USP43: variants seen among roughly 807,000 people sequenced by gnomAD.
USP43 encodes the protein ubiquitin carboxyl-terminal hydrolase 43.
In USP43, 33 loss-of-function variants were observed where a neutral mutation model predicts 90.7. The ratio of observed to expected loss-of-function variants is 0.36; its 90% CI spans 0.28 to 0.49. The LOEUF is 0.49. USP43 is among the 20% of genes least tolerant of loss of function. USP43 has a pLI of 0.98. For synonymous variants in USP43, 598 were observed against 615.8 expected (o/e 0.97, Z 0.43); for missense variants, 1,274 against 1,476.4 (o/e 0.86, Z 2.25).
chr17:9,669,712 T>C (rs1417560091), intron 3 of USP43: 4 of 152,240 alleles, frequency 2.6e-5, no homozygotes, highest in African/African-American at 9.7e-5. Flanking sequence ...AGGCTTCTTT[T>C]CGGAGCTGAA....
At position 9,656,457 on chromosome 17, in the gene USP43, C is replaced by T; in HGVS notation, c.559C>T (p.Leu187=). 1.2e-6 allele frequency: 2 copies of T among 1,610,538 alleles called. No individual in the cohort carries two copies. ...CCAAGGCAATTCCCAGCACGACGCCCTGGAATTCCTGCTCTGGTTGCTGGA... is the reference window on the plus strand; with the variant it reads ...CCAAGGCAATTCCCAGCACGACGCCTTGGAATTCCTGCTCTGGTTGCTGGA... ...QFQGNSQHDA[L]EFLLWLLDRV... The change falls in exon 2 of 15, where the codon CTG becomes TTG. Residue 187 remains leucine, a synonymous_variant. Coordinates refer to ENST00000285199, the MANE Select transcript of USP43 (RefSeq NM_153210.5).
rs533390617 is a variant in USP43, at chr17:9,661,370, T to A, written c.636+4836T>A. On this transcript the variant is annotated intron_variant, in intron 2 of 14. Coordinates refer to ENST00000285199, the MANE Select transcript of USP43 (RefSeq NM_153210.5). ...TTTGTTTATTTTTATTTATTTATTT[T>A]TTTTGAGACAGGGCCTCACTCTGTT... 1.6e-4 allele frequency among the ~76,000 whole-genome samples: 25 copies of A among 152,256 alleles called. No individual in the cohort carries two copies. In the South Asian group the frequency reaches 1.9e-3, roughly 11 times the overall value.
chr17:9,723,544 TCCCCTC>T (rs1917082627), intron 14 of USP43, among the ~76,000 whole-genome samples: 2 of 16,166 alleles, frequency 1.2e-4, no homozygotes, highest in Non-Finnish European at 2.5e-4. Flanking sequence ...TCCCCTCCCC[TCCCCTC>T]CCCTCCCCTC....
intron 14 of USP43, among the ~76,000 whole-genome samples, chr17:9,724,501 GA>G (rs1917150839): frequency 6.6e-6 from 1 of 151,970 alleles, no homozygotes; most frequent in African/African-American, 2.4e-5. Flanking sequence ...CCAACGTGGT[GA>G]AACCCAGTCT....
chr17:9,666,811 T>G (rs1174256398), intron 3 of USP43, 60 bp downstream of exon 3: 1 of 1,343,164 alleles, frequency 7.4e-7, no homozygotes, highest in Non-Finnish European at 1.0e-6. Context: ...CAATTCCTGG[T>G]AACCAGTCTC....
At chr17:9,673,071 C>T (rs73975787) in intron 3 of USP43, among the ~76,000 whole-genome samples, 12,865 of 152,158 alleles carry the variant, frequency 0.085, 1,101 homozygotes, top group African/African-American at 0.22. Flanking sequence ...ACTGCCAGGG[C>T]GGTCTTGTTC....
Position 9,701,635 on chromosome 17 carries a change from A to G in USP43, c.1946A>G (p.Asp649Gly), listed in dbSNP as rs756543357. ...TGCCTGCCCACCAGTTACCCGCTGG[A>G]CTTCCTGTACGACCTGTATGCCGTC... ...PDCLPTSYPL[D>G]FLYDLYAVCN... is the part of the protein sequence containing the mutation. Residue 649 changes from aspartate to glycine, a missense_variant, in exon 12 of 15, where the codon GAC becomes GGC. By Grantham distance (94) the Asp-to-Gly change is moderately conservative. This residue lies in a region of USP43 where 285 missense variants were observed against 349.6 expected (regional missense o/e 0.82). Transcript: ENST00000285199. The surrounding 1 kb of genome is among the most constrained non-coding windows in gnomAD (Gnocchi z 7.2). 6.3e-7 allele frequency: 1 copy of G among 1,591,184 alleles called. No homozygotes were observed.
chr17:9,716,806 G>T (rs150263431), intron 14 of USP43, among the ~76,000 whole-genome samples: 353 of 152,258 alleles, frequency 2.3e-3, no homozygotes, highest in Non-Finnish European at 4.2e-3. Context: ...TGCAATGTCT[G>T]CTACTTGACA....
intron 2 of USP43, among the ~76,000 whole-genome samples, chr17:9,663,300 C>T (rs1282644981): frequency 2.1e-5 from 3 of 141,352 alleles, no homozygotes; most frequent in Non-Finnish European, 4.6e-5. Context: ...TTTGGATGTT[C>T]TTTTTTTTTT....
intron 6 of USP43, among the ~76,000 whole-genome samples, chr17:9,681,466 A>C (rs996635371): frequency 5.5e-4 from 7 of 12,702 alleles, no homozygotes; most frequent in Admixed American, 1.1e-3. Context: ...AATATATTAT[A>C]TATATATATA....
intron 2 of USP43, among the ~76,000 whole-genome samples, chr17:9,660,092 C>T (rs77930676): frequency 0.1 from 15,809 of 152,188 alleles, 887 homozygotes; most frequent in African/African-American, 0.15. Flanking sequence ...TGCTGTGGTG[C>T]ACCACCCCCA....
intron 1 of USP43, among the ~76,000 whole-genome samples, chr17:9,650,397 G>A (rs1911769388): frequency 6.6e-6 from 1 of 151,892 alleles, no homozygotes; most frequent in Non-Finnish European, 1.5e-5. Flanking sequence ...TAAATATTGA[G>A]TTTTTGTTGT....
intron 12 of USP43, among the ~76,000 whole-genome samples, chr17:9,702,904 C>T (rs372642082): frequency 1.1e-4 from 16 of 152,240 alleles, no homozygotes; most frequent in South Asian, 4.1e-4. Flanking sequence ...GACAGAGATG[C>T]GCTGGATGGT....
intron 9 of USP43, among the ~76,000 whole-genome samples, chr17:9,699,142 G>A (rs1443788433): frequency 6.6e-6 from 1 of 152,216 alleles, no homozygotes; most frequent in African/African-American, 2.4e-5. Flanking sequence ...TAGGACATAG[G>A]TAGGCCTAAT....
intron 12 of USP43, among the ~76,000 whole-genome samples, chr17:9,706,321 A>AT (rs974138454): frequency 6.6e-6 from 1 of 151,968 alleles, no homozygotes; most frequent in Non-Finnish European, 1.5e-5. Context: ...CCTGTGGAAA[A>AT]TTTTTGCCAT....
chr17:9,701,060 G>A lies in USP43; in HGVS notation c.1536-59G>A. ...CGGGTTTGCTGTGAGTAGAGACATA[G>A]ACGAAACCTGTCTGGGAGCAGGAAA... is the stretch of plus-strand genomic sequence containing the variant. On this transcript the variant is annotated intron_variant, in intron 10 of 14. Transcript: ENST00000285199. The surrounding 1 kb of genome is among the most constrained non-coding windows in gnomAD (Gnocchi z 7.2). 1 of 1,436,998 alleles carries A rather than the reference G, an allele frequency of 7.0e-7. No homozygotes were observed. Among genetic ancestry groups the A allele is most frequent in the East Asian group, 2.5e-5 (1 of 39,520 alleles). The allele number at this position is 1,436,998 out of a possible 1,614,324, so 89.0% of individuals were successfully genotyped here.
intron 6 of USP43, 52 bp from the exon 7 acceptor site, chr17:9,682,771 A>G: frequency 6.3e-7 from 1 of 1,593,100 alleles, no homozygotes; most frequent in Admixed American, 1.7e-5. Context: ...GCTCTGACCC[A>G]GGAAAGCAGC....
chr17:9,711,415 G>C (rs533627138), intron 13 of USP43, among the ~76,000 whole-genome samples: 6 of 152,166 alleles, frequency 3.9e-5, no homozygotes, highest in African/African-American at 1.4e-4. Flanking sequence ...ACTTTCCTTT[G>C]TTGTTGTTGT....
intron 6 of USP43, among the ~76,000 whole-genome samples, chr17:9,682,415 A>G (rs1454513955): frequency 6.6e-6 from 1 of 152,084 alleles, no homozygotes; most frequent in Non-Finnish European, 1.5e-5. Flanking sequence ...TAAGAATACA[A>G]AAAAATTAGC....
Sources: allele counts gnomAD v4.1 joint callset (sites outside exome capture counted in the v4.1 genomes callset), GRCh38; gene constraint gnomAD v4.1.1; regional missense constraint gnomAD v4.1.1; non-coding constraint Gnocchi (gnomAD v3.1); transcripts MANE v1.5; gene names NCBI Gene and HGNC (gene_info 2026-07-23, HGNC 2026-07-21).